The following ICAM1 variants were observed in gnomAD, a reference collection of about 807,000 sequenced individuals.
ICAM1 encodes the protein intercellular adhesion molecule 1.
In ICAM1, 28 loss-of-function variants were observed where a neutral mutation model predicts 42.3. The observed-to-expected ratio is 0.66, with a 90% CI of 0.49 to 0.91. The LOEUF (loss-of-function observed/expected upper bound fraction) is 0.91. Among genes scored for constraint, ICAM1 ranks in the 40% least tolerant of loss-of-function variants. ICAM1 has a pLI of 0.00. For synonymous variants in ICAM1, 304 were observed against 305.9 expected (o/e 0.99, Z 0.07); for missense variants, 637 against 688.6 (o/e 0.93, Z 0.84).
chr19:10,274,881 A>G lies in ICAM1; in HGVS notation c.184A>G (p.Thr62Ala), dbSNP rs1183121001. The G allele has an allele frequency of 6.2e-7, 1 of 1,614,160 alleles. No individual in the cohort carries two copies. The highest frequency in any genetic ancestry group is 8.5e-7 in the Non-Finnish European group (1 of 1,180,020). ...CCAGCCCAAGTTGTTGGGCATAGAG[A>G]CCCCGTTGCCTAAAAAGGAGTTGCT... is the stretch of plus-strand genomic sequence containing the variant. ...CDQPKLLGIE[T>A]PLPKKELLLP... The change falls in exon 2 of 7, where the codon ACC (threonine) becomes GCC (alanine). Residue 62 changes from threonine (T) to alanine (A), a missense_variant. Coordinates refer to ENST00000264832, the MANE Select transcript of ICAM1 (RefSeq NM_000201.3).
Position 10,274,909 on chromosome 19 carries a change from T to G in ICAM1, c.212T>G (p.Leu71Arg). The change falls in exon 2 of 7, where the codon CTG becomes CGG. Residue 71 changes from leucine (L) to arginine (R), a missense_variant. By Grantham distance (102) the Leu-to-Arg change is moderately radical. Coordinates refer to ENST00000264832, the MANE Select transcript of ICAM1 (RefSeq NM_000201.3). The part of the protein sequence containing the change: ...ETPLPKKELL[L>R]PGNNRKVYEL... ...CCGTTGCCTAAAAAGGAGTTGCTCCTGCCTGGGAACAACCGGAAGGTGTAT... is the reference window on the plus strand; with the variant it reads ...CCGTTGCCTAAAAAGGAGTTGCTCCGGCCTGGGAACAACCGGAAGGTGTAT... 1 of 1,614,256 alleles carries G rather than the reference T, an allele frequency of 6.2e-7. No individual in the cohort carries two copies. The highest frequency in any genetic ancestry group is 8.5e-7 in the Non-Finnish European group (1 of 1,180,048).
chr19:10,281,439 C>T (rs1285670762), intron 2 of ICAM1, among the ~76,000 whole-genome samples: 2 of 151,878 alleles, frequency 1.3e-5, no homozygotes, highest in African/African-American at 2.4e-5. Context: ...TCTTGAGATA[C>T]GATTTAGAAT....
At chr19:10,273,394 A>G (rs1051907289) in intron 1 of ICAM1, among the ~76,000 whole-genome samples, 1 of 151,974 alleles carries the variant, frequency 6.6e-6, no homozygotes, top group African/African-American at 2.4e-5. Flanking sequence ...CGGGAGGCTG[A>G]GGCAGGAGAA....
intron 1 of ICAM1, among the ~76,000 whole-genome samples, chr19:10,272,667 C>T (rs1420688854): frequency 7.1e-6 from 1 of 141,830 alleles, no homozygotes; most frequent in Non-Finnish European, 1.5e-5. Flanking sequence ...CAGGTTCAAA[C>T]GATTCTCCTG....
intron 1 of ICAM1, 91 bp downstream of exon 1, chr19:10,271,317 GT>G: frequency 8.7e-7 from 1 of 1,144,708 alleles, no homozygotes; most frequent in Non-Finnish European, 1.3e-6. Context: ...TTAGGTAGCT[GT>G]TTATGGGAAG....
In ICAM1 at chr19:10,284,227, G is replaced by A. The variant is rs535206172; in HGVS notation, c.832G>A (p.Val278Met). 1.1e-4 allele frequency: 184 copies of A among 1,614,032 alleles called. 1 individual carries two copies. In the South Asian group the frequency reaches 1.9e-3, roughly 17 times the overall value. ...DSFSAKASVS[V>M]TAEDEGTQRL... is the part of the protein sequence containing the mutation. Reference sequence around the variant, plus strand: ...CTTCTCGGCCAAGGCCTCAGTCAGTGTGACCGCAGAGGACGAGGGCACCCA... The same window carrying A: ...CTTCTCGGCCAAGGCCTCAGTCAGTATGACCGCAGAGGACGAGGGCACCCA... Residue 278 changes from valine to methionine, a missense_variant, in exon 4 of 7, where the codon GTG becomes ATG. Coordinates refer to ENST00000264832, the MANE Select transcript of ICAM1 (RefSeq NM_000201.3). The surrounding 1 kb of genome is among the most constrained non-coding windows in gnomAD (Gnocchi z 5.4).
chr19:10,276,049 C>T (rs1329826373), intron 2 of ICAM1, among the ~76,000 whole-genome samples: 1 of 151,668 alleles, frequency 6.6e-6, no homozygotes, highest in African/African-American at 2.4e-5. Context: ...AATAATTTAG[C>T]TGGGCATCGT....
intron 2 of ICAM1, 188 bp from the exon 3 acceptor site, chr19:10,283,293 C>T: frequency 1.8e-6 from 1 of 548,604 alleles, no homozygotes; most frequent in Non-Finnish European, 3.2e-6. Flanking sequence ...ATTTTGATCC[C>T]CTTCACAAAC....
chr19:10,285,482 C>T lies in ICAM1; in HGVS notation c.*195C>T. The T allele has an allele frequency of 1.7e-6, 1 of 589,106 alleles. No homozygotes were observed. Among genetic ancestry groups the T allele is most frequent in the Non-Finnish European group, 3.0e-6 (1 of 330,772 alleles). The allele number at this position is 589,106 out of a possible 1,614,324, so 36.5% of individuals were successfully genotyped here. A position where few individuals can be genotyped will look rare whatever the true frequency, so the allele number is the denominator to read the frequency against. ...CCTGCACACCTAAAACACTAGGCCA[C>T]GCATCTGATCTGTAGTCACATGACT... is the stretch of plus-strand genomic sequence containing the variant. On this transcript the variant is annotated 3_prime_UTR_variant, in exon 7 of 7. Coordinates refer to ENST00000264832, the MANE Select transcript of ICAM1 (RefSeq NM_000201.3).
intron 1 of ICAM1, among the ~76,000 whole-genome samples, chr19:10,272,652 C>T (rs930691080): frequency 4.8e-5 from 7 of 146,872 alleles, no homozygotes; most frequent in Non-Finnish European, 8.9e-5. Context: ...GCAACCTCTG[C>T]CTCCCAGGTT....
Position 10,285,331 on chromosome 19 carries a change from G to A in ICAM1, c.*44G>A, listed in dbSNP as rs191907942. The A allele has an allele frequency of 1.9e-6, 3 of 1,576,236 alleles. No homozygotes were observed. In the Admixed American group the frequency reaches 5.1e-5, roughly 27 times the overall value. On this transcript the variant is annotated 3_prime_UTR_variant, in exon 7 of 7. Coordinates refer to ENST00000264832, the MANE Select transcript of ICAM1 (RefSeq NM_000201.3). ...CCTCTTCCTCGGCCTTCCCATATTG[G>A]TGGCAGTGGTGCCACACTGAACAGA...
intron 1 of ICAM1, among the ~76,000 whole-genome samples, chr19:10,272,583 G>A (rs1351226901): frequency 3.7e-4 from 5 of 13,696 alleles, no homozygotes; most frequent in Non-Finnish European, 6.4e-4. Context: ...TTTTTTTTTT[G>A]AGACGGAGTC....
intron 1 of ICAM1, among the ~76,000 whole-genome samples, chr19:10,272,627 T>C (rs562925542): frequency 3.4e-4 from 47 of 139,506 alleles, no homozygotes; most frequent in African/African-American, 1.2e-3. Flanking sequence ...TGCAGTGGCG[T>C]GATCTCGGCT....
chr19:10,280,723 C>T (rs971418654), intron 2 of ICAM1, among the ~76,000 whole-genome samples: 3 of 152,034 alleles, frequency 2.0e-5, no homozygotes, highest in Non-Finnish European at 4.4e-5. Flanking sequence ...GCATGCGACA[C>T]CACACAAGGC....
At chr19:10,278,558 TTTTTTTTTTTTTTC>T (rs907586113) in intron 2 of ICAM1, among the ~76,000 whole-genome samples, 119 of 94,108 alleles carry the variant, frequency 1.3e-3, no homozygotes, top group African/African-American at 4.1e-3. Context: ...CTTTTTTTTT[TTTTTTTTTTTTTTC>T]TTTTTTTTGA....
chr19:10,285,297 G>C lies in ICAM1; in HGVS notation c.*10G>C, dbSNP rs2071440. On this transcript the variant is annotated 3_prime_UTR_variant, in exon 7 of 7. Transcript: ENST00000264832. Reference sequence around the variant, plus strand: ...AGCCACGCCTCCCTGAACCTATCCCGGGACAGGGCCTCTTCCTCGGCCTTC... The same window carrying C: ...AGCCACGCCTCCCTGAACCTATCCCCGGACAGGGCCTCTTCCTCGGCCTTC... 6.2e-7 allele frequency: 1 copy of C among 1,612,536 alleles called. No homozygotes were observed. Among genetic ancestry groups the C allele is most frequent in the Non-Finnish European group, 8.5e-7 (1 of 1,179,144 alleles).
intron 2 of ICAM1, among the ~76,000 whole-genome samples, chr19:10,282,000 C>G (rs1013949387): frequency 3.9e-5 from 6 of 151,980 alleles, no homozygotes; most frequent in Non-Finnish European, 7.4e-5. Flanking sequence ...CCTCGGCCCC[C>G]CAAAGTGTTG....
At chr19:10,282,586 A>G (rs748777315) in intron 2 of ICAM1, among the ~76,000 whole-genome samples, 6 of 151,066 alleles carry the variant, frequency 4.0e-5, no homozygotes, top group South Asian at 2.1e-4. Context: ...GGGTCTCCCT[A>G]TGTTGCCCAG....
chr19:10,273,432 C>T (rs551925500), intron 1 of ICAM1, among the ~76,000 whole-genome samples: 24 of 151,012 alleles, frequency 1.6e-4, no homozygotes, highest in Admixed American at 4.0e-4. Context: ...GCGGAGGTTG[C>T]GGTGAACTGA....
Sources: allele counts gnomAD v4.1 joint callset (sites outside exome capture counted in the v4.1 genomes callset), GRCh38; gene constraint gnomAD v4.1.1; non-coding constraint Gnocchi (gnomAD v3.1); transcripts MANE v1.5; gene names NCBI Gene and HGNC (gene_info 2026-07-23, HGNC 2026-07-21).